Variants in OPHN1 observed in about 807,000 individuals in gnomAD.
OPHN1 encodes the protein oligophrenin-1.
OPHN1 carries 11 observed loss-of-function variants against 60.7 expected under a neutral mutation model. The observed-to-expected ratio is 0.18, with a 90% CI of 0.11 to 0.30. The LOEUF is 0.30. OPHN1 is among the 10% of genes least tolerant of loss of function. The pLI is 1.00. For synonymous variants in OPHN1, 226 were observed against 222.6 expected (o/e 1.02, Z -0.14); for missense variants, 449 against 611.0 (o/e 0.73, Z 2.80).
chrX:68,278,463 G>A (rs1034874355), intron 4 of OPHN1, among the ~76,000 whole-genome samples: 1 of 112,819 alleles, frequency 8.9e-6, no homozygotes, highest in African/African-American at 3.2e-5. Flanking sequence ...TCATTAGTGA[G>A]TTTCTATCAT....
At chrX:68,133,360 A>G in intron 15 of OPHN1, 1 of 739,280 alleles carries the variant, frequency 1.4e-6, no homozygotes, top group Non-Finnish European at 2.1e-6. Context: ...TAGCAGAACA[A>G]TATGAATGAA....
intron 5 of OPHN1, among the ~76,000 whole-genome samples, chrX:68,266,742 A>T: frequency 9.0e-6 from 1 of 111,615 alleles, no homozygotes; most frequent in Middle Eastern, 4.6e-3. Flanking sequence ...CAAATTGGAT[A>T]AAGAGTCAAG....
At chrX:68,094,592 C>T (rs890910221) in intron 19 of OPHN1, among the ~76,000 whole-genome samples, 5 of 111,297 alleles carry the variant, frequency 4.5e-5, no homozygotes, top group African/African-American at 9.8e-5. Flanking sequence ...TGACTTCCTT[C>T]ATATTCTCCA....
intron 20 of OPHN1, among the ~76,000 whole-genome samples, chrX:68,067,500 G>T (rs768104103): frequency 2.7e-5 from 3 of 110,369 alleles, no homozygotes; most frequent in African/African-American, 9.9e-5. Flanking sequence ...GGCTGTGGGT[G>T]GGGAGAAGTG....
At chrX:68,110,171 A>C (rs2077098269) in intron 18 of OPHN1, among the ~76,000 whole-genome samples, 1 of 111,777 alleles carries the variant, frequency 8.9e-6, no homozygotes, top group African/African-American at 3.3e-5. Context: ...TAGTCTAATT[A>C]ATAAGCATTA....
intron 4 of OPHN1, among the ~76,000 whole-genome samples, chrX:68,278,542 C>G (rs1355280882): frequency 8.9e-6 from 1 of 112,952 alleles, no homozygotes; most frequent in East Asian, 2.8e-4. Context: ...GATATTCAGT[C>G]CAGTATTGCA....
intron 15 of OPHN1, among the ~76,000 whole-genome samples, chrX:68,184,128 T>C (rs2077450803): frequency 8.9e-6 from 1 of 111,764 alleles, no homozygotes; most frequent in African/African-American, 3.3e-5. Flanking sequence ...CACACCAACA[T>C]GGCACATGTA....
intron 5 of OPHN1, among the ~76,000 whole-genome samples, chrX:68,263,858 CAT>C (rs2077907308): frequency 8.9e-6 from 1 of 112,140 alleles, no homozygotes; most frequent in Non-Finnish European, 1.9e-5. Flanking sequence ...ATCACTTAAA[CAT>C]ATAATCAAAA....
chrX:68,225,722 C>T (rs573268484), intron 6 of OPHN1, among the ~76,000 whole-genome samples: 92 of 111,882 alleles, frequency 8.2e-4, no homozygotes, highest in Middle Eastern at 9.2e-3. Flanking sequence ...CCCATCTGTG[C>T]GTCACCATCA....
intron 2 of OPHN1, among the ~76,000 whole-genome samples, chrX:68,408,036 C>T (rs755497505): frequency 1.8e-3 from 201 of 111,997 alleles, no homozygotes; most frequent in Non-Finnish European, 2.7e-3. Context: ...AACTCCTGGA[C>T]GTAAGCAACC....
chrX:68,229,398 G>A (rs1427087634), intron 6 of OPHN1, among the ~76,000 whole-genome samples: 6 of 111,521 alleles, frequency 5.4e-5, no homozygotes, highest in South Asian at 3.8e-4. Context: ...TCTTCACAGA[G>A]TTGGAAAAAA....
At chrX:68,377,724 T>G (rs906699591) in intron 2 of OPHN1, among the ~76,000 whole-genome samples, 11 of 110,343 alleles carry the variant, frequency 1.0e-4, no homozygotes, top group African/African-American at 3.6e-4. Context: ...AATGATGATT[T>G]CCAGTTTCAT....
chrX:68,211,765 T>G (rs1023865755), intron 8 of OPHN1, among the ~76,000 whole-genome samples: 1 of 112,334 alleles, frequency 8.9e-6, no homozygotes, highest in Non-Finnish European at 1.9e-5. Context: ...GTGTTTTGAC[T>G]GAGCAGGGAA....
At chrX:68,270,806 G>T (rs182285795) in intron 5 of OPHN1, among the ~76,000 whole-genome samples, 273 of 111,312 alleles carry the variant, frequency 2.5e-3, no homozygotes, top group Admixed American at 4.3e-3. Context: ...CATTGTTCTT[G>T]TTGTCATGAG....
chrX:68,253,884 C>T (rs1337892584), intron 5 of OPHN1, among the ~76,000 whole-genome samples: 1 of 111,801 alleles, frequency 8.9e-6, no homozygotes, highest in African/African-American at 3.2e-5. Context: ...TAGAAAGATT[C>T]ACACAGCATT....
At chrX:68,340,544 A>G (rs985060143) in intron 2 of OPHN1, among the ~76,000 whole-genome samples, 3 of 112,211 alleles carry the variant, frequency 2.7e-5, no homozygotes, top group Admixed American at 9.5e-5. Context: ...ATACTACACA[A>G]AAGTTAACCC....
chrX:68,394,217 A>T (rs2078671887), intron 2 of OPHN1, among the ~76,000 whole-genome samples: 1 of 104,036 alleles, frequency 9.6e-6, no homozygotes, highest in Non-Finnish European at 2.0e-5. Context: ...ATAATACGTC[A>T]TTTCCCCACT....
chrX:68,288,075 C>A (rs916867615), intron 3 of OPHN1, among the ~76,000 whole-genome samples: 1 of 111,714 alleles, frequency 9.0e-6, no homozygotes, highest in Non-Finnish European at 1.9e-5. Flanking sequence ...ATTGCTTGAT[C>A]GGAAGACTGC....
intron 21 of OPHN1, among the ~76,000 whole-genome samples, chrX:68,060,440 G>A (rs1461187235): frequency 3.6e-5 from 4 of 111,076 alleles, no homozygotes; most frequent in Admixed American, 9.6e-5. Flanking sequence ...TACCTCACAA[G>A]GCCTATCACA....
Sources: gnomAD v4.1 joint callset for allele counts (sites outside exome capture counted in the v4.1 genomes callset) on GRCh38, gnomAD v4.1.1 for gene constraint, MANE v1.5 for transcripts, NCBI Gene and HGNC (gene_info 2026-07-23, HGNC 2026-07-21) for gene names.